Variants in ARMC2 observed in about 807,000 individuals in gnomAD.
The protein encoded by ARMC2 is armadillo repeat containing 2, also known as armadillo repeat-containing protein 2.
In ARMC2, 67 loss-of-function variants were observed where a neutral mutation model predicts 90.3. The ratio of observed to expected loss-of-function variants is 0.74; its 90% CI spans 0.61 to 0.91. The LOEUF (loss-of-function observed/expected upper bound fraction) is 0.91. ARMC2 is among the 40% of genes least tolerant of loss of function. The pLI, the probability that ARMC2 is intolerant of heterozygous loss-of-function variation, is 0.00. For missense variants in ARMC2, 920 were observed against 1,030.9 expected, an observed-to-expected ratio of 0.89 and a Z score of 1.47; for synonymous variants, 393 against 393.0, an observed-to-expected ratio of 1.00 and a Z score of 0.00.
chr6:108,925,557 G>T (rs766158633), intron 10 of ARMC2, among the ~76,000 whole-genome samples: 6 of 152,214 alleles, frequency 3.9e-5, no homozygotes, highest in Non-Finnish European at 5.9e-5. Context: ...GAAGCTTGAC[G>T]GGTTGAGAAG....
intron 11 of ARMC2, among the ~76,000 whole-genome samples, chr6:108,929,256 T>G (rs1286860793): frequency 2.6e-5 from 4 of 152,188 alleles, no homozygotes; most frequent in Admixed American, 6.5e-5. Context: ...TATAGTGTCA[T>G]GTAGGGGTCC....
chr6:109,001,880 G>A, the ARMC2 span, among the ~76,000 whole-genome samples: 1 of 152,126 alleles, frequency 6.6e-6, no homozygotes, highest in South Asian at 2.1e-4. Context: ...CACTTCTTAT[G>A]AAAATAAAGC....
the ARMC2 span, among the ~76,000 whole-genome samples, chr6:109,051,910 G>A: frequency 2.6e-5 from 4 of 152,162 alleles, no homozygotes; most frequent in Admixed American, 6.5e-5. Context: ...TAATTCCACT[G>A]ATGAAGGAGC....
the ARMC2 span, among the ~76,000 whole-genome samples, chr6:108,982,009 G>T: frequency 6.6e-6 from 1 of 152,092 alleles, no homozygotes; most frequent in African/African-American, 2.4e-5. Flanking sequence ...TCCATTCTAT[G>T]AGTATACCAC....
chr6:109,041,204 T>TG, the ARMC2 span, among the ~76,000 whole-genome samples: 7 of 150,834 alleles, frequency 4.6e-5, no homozygotes, highest in Non-Finnish European at 8.9e-5. Context: ...CCCAGCTACT[T>TG]GGGGGGCTTA....
chr6:108,895,027 A>G (rs1348635557), intron 6 of ARMC2, among the ~76,000 whole-genome samples: 1 of 150,712 alleles, frequency 6.6e-6, no homozygotes, highest in South Asian at 2.1e-4. Context: ...CAGCCTTCCA[A>G]AGTGCTGGGA....
intron 10 of ARMC2, among the ~76,000 whole-genome samples, chr6:108,913,812 TA>T (rs1235445336): frequency 2.6e-5 from 4 of 152,204 alleles, no homozygotes; most frequent in African/African-American, 9.6e-5. Context: ...TCCATTTAGC[TA>T]ACATTGTTCA....
At chr6:108,926,801 A>G (rs1224119413) in intron 10 of ARMC2, among the ~76,000 whole-genome samples, 1 of 152,180 alleles carries the variant, frequency 6.6e-6, no homozygotes, top group Non-Finnish European at 1.5e-5. Context: ...AGTTAAGTGG[A>G]ATACTCAAGT....
chr6:108,869,431 C>T (rs1010177256), intron 4 of ARMC2, among the ~76,000 whole-genome samples: 2 of 152,132 alleles, frequency 1.3e-5, no homozygotes, highest in Admixed American at 6.6e-5. Flanking sequence ...GTGCTTGAAA[C>T]CAGGAGGTGG....
chr6:108,989,556 G>T, the ARMC2 span, among the ~76,000 whole-genome samples: 1 of 104,180 alleles, frequency 9.6e-6, no homozygotes, highest in Non-Finnish European at 2.0e-5. Flanking sequence ...TCTAGATCTA[G>T]ATCTCTAGAT....
the ARMC2 span, chr6:108,998,403 T>G: frequency 7.6e-7 from 1 of 1,311,354 alleles, no homozygotes; most frequent in South Asian, 1.4e-5. Flanking sequence ...GGGCCCAATA[T>G]CTCCACAGTC....
rs575421892 is a variant in ARMC2 at position 108,943,707 on chromosome 6, G to A, written c.1596+6708G>A. ...AAATTAGCTGGGTTTGGTGGCCCAT[G>A]CCTGTAATCCCAGCTACTTGGGAGG... On this transcript the variant is annotated intron_variant, in intron 12 of 17. Transcript: ENST00000392644. 3.4e-4 allele frequency among the ~76,000 whole-genome samples: 51 copies of A among 152,136 alleles called. 1 individual carries two copies. The highest frequency in any genetic ancestry group is 2.9e-3 in the Admixed American group (45 of 15,286).
chr6:108,880,046 C>T (rs1171499710), intron 5 of ARMC2: 4 of 417,874 alleles, frequency 9.6e-6, no homozygotes, highest in Non-Finnish European at 1.9e-5. Context: ...GTTAAAGGCA[C>T]AAAGGCATTC....
Position 108,851,045 on chromosome 6 carries a change from C to G in ARMC2, c.-44+2499C>G, listed in dbSNP as rs573752090. 2.0e-5 allele frequency among the ~76,000 whole-genome samples: 3 copies of G among 152,348 alleles called. No individual in the cohort carries two copies. In the East Asian group the frequency reaches 5.8e-4, roughly 29 times the overall value. ...TTGCCCTCCTTTCCTTCCTGCCCAT[C>G]TCTGCCAGATCACATCATCCCTCAA... On this transcript the variant is annotated intron_variant, in intron 1 of 17. Coordinates refer to ENST00000392644, the MANE Select transcript of ARMC2 (RefSeq NM_032131.6).
the ARMC2 span, chr6:108,998,877 T>C: frequency 3.3e-6 from 4 of 1,219,262 alleles, no homozygotes; most frequent in Non-Finnish European, 4.4e-6. Context: ...CATAAAATTA[T>C]CATTTGAAAC....
At chr6:108,982,822 T>G in the ARMC2 span, among the ~76,000 whole-genome samples, 2 of 150,416 alleles carry the variant, frequency 1.3e-5, no homozygotes, top group Non-Finnish European at 3.0e-5. Flanking sequence ...CTTTTTTTTT[T>G]TTTTTTTGGA....
intron 9 of ARMC2, 64 bp from the exon 10 acceptor site, chr6:108,912,271 G>A (rs1171519956): frequency 2.6e-6 from 3 of 1,160,806 alleles, no homozygotes; most frequent in East Asian, 2.4e-5. Context: ...ACACACAAGT[G>A]CTTTAATATA....
At chr6:109,021,114 C>T in the ARMC2 span, among the ~76,000 whole-genome samples, 28 of 152,210 alleles carry the variant, frequency 1.8e-4, no homozygotes, top group African/African-American at 6.5e-4. Context: ...CCACCTCAGC[C>T]TCCTGAGTAG....
chr6:109,017,744 A>G, the ARMC2 span, among the ~76,000 whole-genome samples: 11 of 152,172 alleles, frequency 7.2e-5, no homozygotes, highest in African/African-American at 2.4e-4. Flanking sequence ...CTAGTTTACT[A>G]CCTTTGCAAA....
Sources: allele counts gnomAD v4.1 joint callset (sites outside exome capture counted in the v4.1 genomes callset), GRCh38; gene constraint gnomAD v4.1.1; transcripts MANE v1.5; gene names NCBI Gene and HGNC (gene_info 2026-07-23, HGNC 2026-07-21).